MED20: variants seen among roughly 807,000 people sequenced by gnomAD.
MED20 encodes mediator of RNA polymerase II transcription subunit 20.
A neutral mutation model predicts 19.7 loss-of-function variants in MED20; 19 were observed. The ratio of observed to expected loss-of-function variants is 0.96; its 90% CI spans 0.67 to 1.42. The LOEUF (loss-of-function observed/expected upper bound fraction) is 1.42. Ranked by LOEUF, MED20 falls within the 40% of genes most tolerant of loss-of-function variation. MED20 has a pLI of 0.00. For missense variants in MED20, 225 were observed against 273.0 expected (o/e 0.82, Z 1.24); for synonymous variants, 105 against 104.8 (o/e 1.00, Z -0.01).
chr6:41,920,937 G>C, intron 1 of MED20, 68 bp downstream of exon 1: 1 of 1,570,094 alleles, frequency 6.4e-7, no homozygotes, highest in African/African-American at 1.4e-5. Context: ...GGCGGACCAT[G>C]GTCAAGGTCC....
chr6:41,908,329 C>T (rs1317358538), intron 3 of MED20, among the ~76,000 whole-genome samples: 2 of 152,170 alleles, frequency 1.3e-5, no homozygotes, highest in Non-Finnish European at 2.9e-5. Flanking sequence ...GTGCTGGGCA[C>T]ATTATAGGTT....
chr6:41,914,584 G>A (rs1243528366), intron 2 of MED20, among the ~76,000 whole-genome samples: 1 of 151,854 alleles, frequency 6.6e-6, no homozygotes, highest in African/African-American at 2.4e-5. Flanking sequence ...GCAGAGCCAA[G>A]ACTAAGACAA....
chr6:41,911,694 G>A (rs548954353), intron 2 of MED20, among the ~76,000 whole-genome samples: 5 of 152,248 alleles, frequency 3.3e-5, no homozygotes, highest in Admixed American at 6.5e-5. Flanking sequence ...GTGCGAGGGC[G>A]GCGAGAGCAG....
In MED20 at chr6:41,907,210, G is replaced by A. The variant is rs1300046269; in HGVS notation, c.501C>T (p.Ser167=). The A allele has an allele frequency of 6.2e-7, 1 of 1,614,038 alleles. No homozygotes were observed. The highest frequency in any genetic ancestry group is 1.7e-5 in the Admixed American group (1 of 59,998). The part of the protein sequence containing the change: ...LLEFLQSFLG[S]HTPGAPAVFG... ...ACACTGCGGGAGCCCCTGGTGTGTGGCTGCCTAGAAAACTCTGTAGGAACT... is the reference window on the plus strand; with the variant it reads ...ACACTGCGGGAGCCCCTGGTGTGTGACTGCCTAGAAAACTCTGTAGGAACT... Residue 167 remains serine, a synonymous_variant, in exon 4 of 4, where the codon AGC becomes AGT. Coordinates refer to ENST00000265350, the MANE Select transcript of MED20 (RefSeq NM_004275.5).
At chr6:41,913,621 T>G (rs1465772385) in intron 2 of MED20, among the ~76,000 whole-genome samples, 1 of 152,182 alleles carries the variant, frequency 6.6e-6, no homozygotes, top group African/African-American at 2.4e-5. Context: ...CATGACAGGC[T>G]GGGTGCAGTG....
rs1025582817 is a variant in MED20, at chr6:41,912,436, A to C, written c.170-2914T>G. Among the ~76,000 whole-genome samples the C allele has an allele frequency of 9.1e-4, 131 of 144,528 alleles. 1 individual carries two copies. Among genetic ancestry groups the C allele is most frequent in the African/African-American group, 3.1e-3 (119 of 38,684 alleles). 94.8% of individuals were successfully genotyped at this position (144,528 alleles called of 152,430 possible). Reference sequence around the variant, plus strand: ...CAATGGCATGATCTGGGCTCACTGCAGCCTCTGCCTCCCAAGTTCAAACGA... The same window carrying C: ...CAATGGCATGATCTGGGCTCACTGCCGCCTCTGCCTCCCAAGTTCAAACGA... On this transcript the variant is annotated intron_variant, in intron 2 of 3. Transcript: ENST00000265350.
chr6:41,909,976 C>G (rs1775151051), intron 2 of MED20, among the ~76,000 whole-genome samples: 1 of 152,256 alleles, frequency 6.6e-6, no homozygotes, highest in South Asian at 2.1e-4. Flanking sequence ...CTCAGCTTAG[C>G]CTCCTCCCTC....
At chr6:41,918,434 G>A (rs1391907252) in intron 1 of MED20, among the ~76,000 whole-genome samples, 2 of 151,580 alleles carry the variant, frequency 1.3e-5, no homozygotes, top group Admixed American at 6.6e-5. Context: ...AAACCAGGAG[G>A]CGGAGGTTGC....
At chr6:41,920,861 C>G in intron 1 of MED20, 144 bp downstream of exon 1, 1 of 1,043,042 alleles carries the variant, frequency 9.6e-7, no homozygotes, top group South Asian at 2.3e-5. Flanking sequence ...CCCGGGGAAC[C>G]CGCAGCCCGG....
At chr6:41,908,175 C>T (rs1372747384) in intron 3 of MED20, among the ~76,000 whole-genome samples, 4 of 152,222 alleles carry the variant, frequency 2.6e-5, no homozygotes, top group South Asian at 4.1e-4. Context: ...TCACACTGGC[C>T]TGAATTCCCA....
At chr6:41,911,369 T>A (rs533679217) in intron 2 of MED20, among the ~76,000 whole-genome samples, 8 of 152,080 alleles carry the variant, frequency 5.3e-5, no homozygotes, top group African/African-American at 1.9e-4. Flanking sequence ...CAGGCTGGTC[T>A]TGAACTCCTG....
intron 1 of MED20, chr6:41,917,967 G>A (rs1160309776): frequency 3.5e-6 from 1 of 285,110 alleles, no homozygotes; most frequent in Non-Finnish European, 7.8e-6. Context: ...CTTTGGGAAT[G>A]AGAGGCAACA....
chr6:41,911,697 G>A (rs750719209), intron 2 of MED20, among the ~76,000 whole-genome samples: 4 of 152,140 alleles, frequency 2.6e-5, no homozygotes, highest in Admixed American at 1.3e-4. Context: ...CGAGGGCGGC[G>A]AGAGCAGAGG....
chr6:41,911,455 T>A (rs946523466), intron 2 of MED20, among the ~76,000 whole-genome samples: 3 of 152,142 alleles, frequency 2.0e-5, no homozygotes, highest in Non-Finnish European at 4.4e-5. Flanking sequence ...CCAGCTGAGA[T>A]AGGCTAAAAA....
chr6:41,910,097 A>C (rs1775154045), intron 2 of MED20, among the ~76,000 whole-genome samples: 1 of 152,134 alleles, frequency 6.6e-6, no homozygotes. Flanking sequence ...ACCATGCCTC[A>C]AGAAGTTTAG....
At chr6:41,918,455 G>C (rs966029382) in intron 1 of MED20, among the ~76,000 whole-genome samples, 1 of 151,378 alleles carries the variant, frequency 6.6e-6, no homozygotes, top group African/African-American at 2.4e-5. Flanking sequence ...AGTGAGCCAA[G>C]ATCGCACCAC....
intron 3 of MED20, among the ~76,000 whole-genome samples, chr6:41,907,883 G>A (rs180674654): frequency 6.6e-6 from 1 of 152,268 alleles, no homozygotes; most frequent in East Asian, 1.9e-4. Flanking sequence ...CAACCCTAAG[G>A]AGAAATAAGT....
chr6:41,910,304 T>C (rs145963022), intron 2 of MED20, among the ~76,000 whole-genome samples: 2 of 152,072 alleles, frequency 1.3e-5, no homozygotes, highest in African/African-American at 4.8e-5. Flanking sequence ...GCAATAAAAA[T>C]GGAAAGCTAT....
chr6:41,912,751 G>A (rs534437492), intron 2 of MED20, among the ~76,000 whole-genome samples: 21 of 152,238 alleles, frequency 1.4e-4, no homozygotes, highest in African/African-American at 4.8e-4. Context: ...TTCTAAAGAT[G>A]AGGAAAATGA....
Sources: gnomAD v4.1 joint callset for allele counts (sites outside exome capture counted in the v4.1 genomes callset) on GRCh38, gnomAD v4.1.1 for gene constraint, MANE v1.5 for transcripts, NCBI Gene and HGNC (gene_info 2026-07-23, HGNC 2026-07-21) for gene names.